CACNA2D1: variants seen among roughly 807,000 people sequenced by gnomAD.
CACNA2D1 encodes voltage-dependent calcium channel subunit alpha-2/delta-1.
Under a neutral mutation model 171.5 loss-of-function variants are expected in CACNA2D1, and 53 were observed. That is an observed-to-expected ratio of 0.31 (90% CI 0.25 to 0.39). CACNA2D1 has a LOEUF of 0.39. Among genes scored for constraint, CACNA2D1 ranks in the 10% least tolerant of loss-of-function variants. CACNA2D1 has a pLI of 1.00. For synonymous variants in CACNA2D1, 442 were observed against 443.1 expected (o/e 1.00, Z 0.03); for missense variants, 903 against 1,299.8 (o/e 0.69, Z 4.69).
chr7:82,375,763 G>GC (rs1165192213), intron 1 of CACNA2D1, among the ~76,000 whole-genome samples: 1 of 152,088 alleles, frequency 6.6e-6, no homozygotes, highest in East Asian at 1.9e-4. Context: ...TATATTCAAT[G>GC]CCCCCCAAAT....
intron 3 of CACNA2D1, among the ~76,000 whole-genome samples, chr7:82,237,598 A>C (rs1178259584): frequency 1.3e-5 from 2 of 151,976 alleles, no homozygotes; most frequent in African/African-American, 4.8e-5. Context: ...TAATTGGATT[A>C]TTTTCTGAAA....
chr7:81,982,221 C>G (rs1382926882), intron 24 of CACNA2D1, among the ~76,000 whole-genome samples: 1 of 151,984 alleles, frequency 6.6e-6, no homozygotes, highest in Non-Finnish European at 1.5e-5. Context: ...CCTCCGCCTC[C>G]TGGGTTCAAG....
At chr7:82,325,242 C>T (rs1044048088) in intron 3 of CACNA2D1, among the ~76,000 whole-genome samples, 5 of 152,154 alleles carry the variant, frequency 3.3e-5, no homozygotes, top group African/African-American at 1.2e-4. Context: ...TCAGTCTAGC[C>T]TGTGGAGATT....
chr7:82,336,392 A>G lies in CACNA2D1; in HGVS notation c.178-1141T>C, dbSNP rs147314664. Among the ~76,000 whole-genome samples the G allele has an allele frequency of 2.4e-3, 368 of 152,350 alleles. 3 individuals carry two copies. Among genetic ancestry groups the G allele is most frequent in the African/African-American group, 8.4e-3 (349 of 41,588 alleles). The stretch of plus-strand genomic sequence containing the variant: ...TAATTTTTTATTTGAAATAAAAATT[A>G]ATTTGAAATTAAAATTTATTGGAAT... On this transcript the variant is annotated intron_variant, in intron 2 of 38. Coordinates refer to ENST00000356860, the MANE Select transcript of CACNA2D1 (RefSeq NM_000722.4).
chr7:82,089,532 C>A (rs187994560), intron 6 of CACNA2D1, among the ~76,000 whole-genome samples: 1 of 152,102 alleles, frequency 6.6e-6, no homozygotes, highest in African/African-American at 2.4e-5. Flanking sequence ...CACTGATAAT[C>A]GATTCAGAAA....
At chr7:82,358,638 C>T (rs896617016) in intron 1 of CACNA2D1, among the ~76,000 whole-genome samples, 1 of 151,742 alleles carries the variant, frequency 6.6e-6, no homozygotes, top group Non-Finnish European at 1.5e-5. Context: ...AACTCTGATT[C>T]CTAAGCTGTT....
intron 1 of CACNA2D1, among the ~76,000 whole-genome samples, chr7:82,414,586 C>T (rs1167235263): frequency 1.3e-5 from 2 of 152,316 alleles, no homozygotes; most frequent in African/African-American, 4.8e-5. Flanking sequence ...TAGAGCATTC[C>T]ATCCAGGGAG....
intron 3 of CACNA2D1, among the ~76,000 whole-genome samples, chr7:82,316,262 T>C (rs1815108821): frequency 6.6e-6 from 1 of 152,192 alleles, no homozygotes; most frequent in Admixed American, 6.5e-5. Context: ...GACAGAAGTG[T>C]TCCTGAAGTC....
chr7:82,391,121 C>T (rs1825070954), intron 1 of CACNA2D1, among the ~76,000 whole-genome samples: 1 of 152,118 alleles, frequency 6.6e-6, no homozygotes, highest in Admixed American at 6.5e-5. Flanking sequence ...TTACCATCTG[C>T]TGTTTGTACT....
At chr7:82,401,767 G>T (rs1485001211) in intron 1 of CACNA2D1, among the ~76,000 whole-genome samples, 2 of 152,070 alleles carry the variant, frequency 1.3e-5, no homozygotes, top group African/African-American at 4.8e-5. Context: ...CCCTCAAAAT[G>T]CTGACTTCTA....
At chr7:82,178,967 G>T in intron 3 of CACNA2D1, among the ~76,000 whole-genome samples, 1 of 152,072 alleles carries the variant, frequency 6.6e-6, no homozygotes, top group Non-Finnish European at 1.5e-5. Context: ...TTTCAAGGTT[G>T]TATCAACATC....
intron 3 of CACNA2D1, among the ~76,000 whole-genome samples, chr7:82,213,015 G>A (rs1800730042): frequency 6.6e-6 from 1 of 151,462 alleles, no homozygotes; most frequent in South Asian, 2.1e-4. Flanking sequence ...ATTCTCCTGT[G>A]TCAGCCTCCT....
intron 1 of CACNA2D1, among the ~76,000 whole-genome samples, chr7:82,397,487 A>C (rs1825864349): frequency 6.6e-6 from 1 of 152,090 alleles, no homozygotes; most frequent in Non-Finnish European, 1.5e-5. Flanking sequence ...GCAAGTGATT[A>C]TTCTTAACAA....
At chr7:82,171,270 G>A (rs1042878996) in intron 3 of CACNA2D1, among the ~76,000 whole-genome samples, 5 of 152,038 alleles carry the variant, frequency 3.3e-5, no homozygotes, top group Admixed American at 3.3e-4. Context: ...AGTTCAGTGG[G>A]AGATGACATT....
At chr7:82,073,793 G>A (rs1157190365) in intron 7 of CACNA2D1, among the ~76,000 whole-genome samples, 1 of 151,994 alleles carries the variant, frequency 6.6e-6, no homozygotes, top group Admixed American at 6.6e-5. Flanking sequence ...TAGATACGGG[G>A]TTTCATCATG....
intron 4 of CACNA2D1, 97 bp from the exon 5 acceptor site, chr7:82,136,773 T>A: frequency 1.2e-6 from 1 of 839,666 alleles, no homozygotes. Context: ...AAACTCCTTG[T>A]CATCTTTCTT....
chr7:82,291,554 TA>T (rs955801717), intron 3 of CACNA2D1, among the ~76,000 whole-genome samples: 16 of 140,068 alleles, frequency 1.1e-4, no homozygotes, highest in Non-Finnish European at 2.0e-4. Context: ...TAGATATATA[TA>T]AATATATATA....
chr7:82,438,816 C>G (rs1183424932), intron 1 of CACNA2D1, among the ~76,000 whole-genome samples: 1 of 152,158 alleles, frequency 6.6e-6, no homozygotes, highest in Non-Finnish European at 1.5e-5. Flanking sequence ...AGCTGACCTG[C>G]TTTTTGAAAC....
At chr7:82,262,407 A>G (rs1346452948) in intron 3 of CACNA2D1, among the ~76,000 whole-genome samples, 1 of 152,206 alleles carries the variant, frequency 6.6e-6, no homozygotes, top group Non-Finnish European at 1.5e-5. Context: ...ACATATGTAT[A>G]GCACCATGCT....
Sources: allele counts gnomAD v4.1 joint callset (sites outside exome capture counted in the v4.1 genomes callset), GRCh38; gene constraint gnomAD v4.1.1; transcripts MANE v1.5; gene names NCBI Gene and HGNC (gene_info 2026-07-23, HGNC 2026-07-21).